VWDE: variants seen among roughly 807,000 people sequenced by gnomAD.
The protein encoded by VWDE is von Willebrand factor D and EGF domain-containing protein.
VWDE carries 207 observed loss-of-function variants against 178.4 expected under a neutral mutation model. The ratio of observed to expected loss-of-function variants is 1.16; its 90% CI spans 1.04 to 1.30. The LOEUF (loss-of-function observed/expected upper bound fraction) is 1.30, where lower values mean the gene tolerates loss of function less well. Among genes scored for constraint, VWDE ranks in the 50% most tolerant of loss-of-function variants. The pLI, the probability that VWDE is intolerant of heterozygous loss-of-function variation, is 0.00. For synonymous variants in VWDE, 738 were observed against 651.4 expected, an observed-to-expected ratio of 1.13 and a Z score of -2.02; for missense variants, 2,287 against 1,901.3, an observed-to-expected ratio of 1.20 and a Z score of -3.77.
At chr7:12,390,056 T>A (rs188894263) in intron 2 of VWDE, among the ~76,000 whole-genome samples, 1 of 151,526 alleles carries the variant, frequency 6.6e-6, no homozygotes, top group Non-Finnish European at 1.5e-5. Context: ...TCCCAGCTAC[T>A]CAGGAGGCTG....
intron 12 of VWDE, 76 bp downstream of exon 12, chr7:12,369,469 G>C: frequency 1.4e-6 from 2 of 1,429,732 alleles, no homozygotes; most frequent in Non-Finnish European, 9.3e-7. Context: ...AGGATACTGA[G>C]GGTGAAATAA....
Position 12,367,506 on chromosome 7 carries a change from A to C in VWDE, c.2762-13T>G. 1 of 1,487,114 alleles carries C rather than the reference A, an allele frequency of 6.7e-7. No homozygotes were observed. Among genetic ancestry groups the C allele is most frequent in the South Asian group, 1.4e-5 (1 of 72,398 alleles). The allele number at this position is 1,487,114 out of a possible 1,614,324, so 92.1% of individuals were successfully genotyped here. On this transcript the variant is annotated splice_polypyrimidine_tract_variant and intron_variant, in intron 12 of 28. Transcript: ENST00000275358. ...TCAGGAGCTTTGTCTTTGGAAAAAA[A>C]ATATAACAAATACTACATATTTTAC...
In VWDE at chr7:12,369,797, T is replaced by G; in HGVS notation, c.2509A>C (p.Met837Leu). 1.0e-5 allele frequency: 16 copies of G among 1,551,458 alleles called. No homozygotes were observed. Among genetic ancestry groups the G allele is most frequent in the Non-Finnish European group, 1.4e-5 (16 of 1,146,888 alleles). The change falls in exon 12 of 29, where the codon ATG (methionine) becomes CTG (leucine). Residue 837 changes from methionine (M) to leucine (L), a missense_variant. Coordinates refer to ENST00000275358, the MANE Select transcript of VWDE (RefSeq NM_001135924.3). ...LGKRLDSVIE[M>L]CVKDVLLKDD... Reference sequence around the variant, plus strand: ...TTTAACAGAACATCCTTCACACACATCTCTATAACACTGTCTAATCTCTTG... The same window carrying G: ...TTTAACAGAACATCCTTCACACACAGCTCTATAACACTGTCTAATCTCTTG...
At chr7:12,358,363 G>A in intron 16 of VWDE, among the ~76,000 whole-genome samples, 1 of 95,616 alleles carries the variant, frequency 1.0e-5, no homozygotes, top group East Asian at 2.8e-4. Context: ...GACAGAATGA[G>A]ATTCTGTCTC....
In VWDE at chr7:12,361,514, C is replaced by T. The variant is rs1782579479; in HGVS notation, c.2906G>A (p.Ser969Asn). The T allele has an allele frequency of 1.3e-6, 2 of 1,537,510 alleles. No homozygotes were observed. The highest frequency in any genetic ancestry group is 4.2e-5 in the Admixed American group (2 of 47,982). The stretch of plus-strand genomic sequence containing the variant: ...GGGTTCTCCAGGCATCCATTCACTG[C>T]TATTATACTGAAGACATAGTGAGAA... ...KCEVTKLQYN[S>N]SEWMPGEPIY... is the part of the protein sequence containing the mutation. Residue 969 changes from serine (S) to asparagine (N), a missense_variant, in exon 14 of 29, where the codon AGC becomes AAC. Coordinates refer to ENST00000275358, the MANE Select transcript of VWDE (RefSeq NM_001135924.3).
In VWDE at chr7:12,357,492, C is replaced by T; in HGVS notation, c.3298G>A (p.Ala1100Thr). Reference protein sequence around the residue: ...LENNQPPVIQALQDKLQTFYG... With the variant: ...LENNQPPVIQTLQDKLQTFYG... The stretch of plus-strand genomic sequence containing the variant: ...AATGTCTGTAATTTGTCTTGCAATG[C>T]TTGAATCACTGGGGGCTGGTTGTCT... The change falls in exon 17 of 29, where the codon GCA (alanine) becomes ACA (threonine). Residue 1100 changes from alanine (A) to threonine (T), a missense_variant. Ala to Thr is a moderately conservative substitution (Grantham distance 58). Coordinates refer to ENST00000275358, the MANE Select transcript of VWDE (RefSeq NM_001135924.3). The T allele has an allele frequency of 6.4e-7, 1 of 1,552,164 alleles. No homozygotes were observed. Among genetic ancestry groups the T allele is most frequent in the Non-Finnish European group, 8.7e-7 (1 of 1,147,110 alleles).
At chr7:12,401,203 G>T (rs552926662) in intron 1 of VWDE, among the ~76,000 whole-genome samples, 1 of 152,162 alleles carries the variant, frequency 6.6e-6, no homozygotes, top group Non-Finnish European at 1.5e-5. Context: ...CTTTAGAATA[G>T]CTAATTCTAC....
Position 12,395,274 on chromosome 7 carries a change from TCAAAA to T in VWDE, c.59-1501_59-1497del, listed in dbSNP as rs1418235372. ...AATTTTAGAATATCTCTAATATCCT[TCAAAA>T]CAAGGACATTGCACCTGGTTAGAAT... On this transcript the variant is annotated intron_variant, in intron 1 of 28. Transcript: ENST00000275358. 3.3e-5 allele frequency among the ~76,000 whole-genome samples: 5 copies of T among 152,270 alleles called. No individual in the cohort carries two copies. In the East Asian group the frequency reaches 9.6e-4, roughly 29 times the overall value.
At chr7:12,381,849 T>C (rs931681604) in intron 4 of VWDE, among the ~76,000 whole-genome samples, 1 of 151,842 alleles carries the variant, frequency 6.6e-6, no homozygotes, top group African/African-American at 2.4e-5. Context: ...TTATTAAGAA[T>C]AAGAGAAGAC....
At chr7:12,392,203 C>G (rs760793941) in intron 2 of VWDE, among the ~76,000 whole-genome samples, 2 of 152,204 alleles carry the variant, frequency 1.3e-5, no homozygotes, top group Non-Finnish European at 2.9e-5. Context: ...GTAACACTAG[C>G]TACCTAAAAG....
chr7:12,344,493 A>AG, intron 19 of VWDE, 24 bp from the exon 20 acceptor site: 1 of 1,523,156 alleles, frequency 6.6e-7, no homozygotes. Context: ...AAAGAAAAAA[A>AG]GGTTGATTGC....
At chr7:12,340,557 C>T (rs1245498323) in intron 23 of VWDE, 140 bp from the exon 24 acceptor site, 3 of 584,644 alleles carry the variant, frequency 5.1e-6, no homozygotes, top group Non-Finnish European at 8.9e-6. Context: ...ATTAATTAGA[C>T]TTTGCCAAAC....
intron 19 of VWDE, among the ~76,000 whole-genome samples, chr7:12,350,305 T>A (rs117885052): frequency 0.021 from 3,149 of 152,128 alleles, 53 homozygotes; most frequent in Non-Finnish European, 0.034. Flanking sequence ...TATAAAATAA[T>A]GTTGAAATAT....
In VWDE at chr7:12,393,876, A is replaced by G. The variant is rs1784508315; in HGVS notation, c.59-98T>C. On this transcript the variant is annotated intron_variant, in intron 1 of 28. Transcript: ENST00000275358. ...TGATTCCCAAAACAAAAAATAAAGCAAATAAACTCACTATTGCACATAAAG... is the reference window on the plus strand; with the variant it reads ...TGATTCCCAAAACAAAAAATAAAGCGAATAAACTCACTATTGCACATAAAG... The G allele has an allele frequency of 4.7e-6, 5 of 1,068,546 alleles. No homozygotes were observed. The South Asian group carries it at 9.7e-5, about 21-fold the overall frequency. 66.2% of individuals were successfully genotyped at this position (1,068,546 alleles called of 1,614,324 possible).
chr7:12,376,318 GA>G (rs66889572), intron 7 of VWDE, among the ~76,000 whole-genome samples: 37,233 of 151,752 alleles, frequency 0.25, 4,748 homozygotes, highest in African/African-American at 0.28. Flanking sequence ...GGTTCCCTAT[GA>G]AAGTAAAGAT....
At chr7:12,375,462 T>C (rs1019943332) in intron 7 of VWDE, among the ~76,000 whole-genome samples, 1 of 151,984 alleles carries the variant, frequency 6.6e-6, no homozygotes, top group African/African-American at 2.4e-5. Context: ...TAAATACATA[T>C]TACAATTTTC....
Position 12,403,661 on chromosome 7 carries a change from T to C in VWDE, c.56A>G (p.Glu19Gly), listed in dbSNP as rs1057135839. The part of the protein sequence containing the change: ...VIALMFLAWG[E>G]AQECSPGGHQ... ...CCCGCGCGCCCTACCTCGCTTACCT[T>C]CCCCCCAGGCCAGGAACATCAGCGC... The change falls in exon 1 of 29, where the codon GAA becomes GGA. Residue 19 changes from glutamate to glycine, a missense_variant and splice_region_variant. Glu to Gly is a moderately conservative substitution (Grantham distance 98). Coordinates refer to ENST00000275358, the MANE Select transcript of VWDE (RefSeq NM_001135924.3). The C allele has an allele frequency of 3.9e-6, 6 of 1,542,912 alleles. No individual in the cohort carries two copies. The African/African-American group carries it at 5.5e-5, about 14-fold the overall frequency.
At chr7:12,342,200 G>C in intron 22 of VWDE, 46 bp from the exon 23 acceptor site, 2 of 1,491,818 alleles carry the variant, frequency 1.3e-6, no homozygotes, top group South Asian at 1.2e-5. Flanking sequence ...GCTTGGAGTA[G>C]TCATATTGTT....
chr7:12,348,223 A>G (rs969629669), intron 19 of VWDE, among the ~76,000 whole-genome samples: 2 of 146,208 alleles, frequency 1.4e-5, no homozygotes, highest in East Asian at 4.0e-4. Flanking sequence ...AAATTGACAA[A>G]TGGGATCTAA....
Sources: allele counts gnomAD v4.1 joint callset (sites outside exome capture counted in the v4.1 genomes callset), GRCh38; gene constraint gnomAD v4.1.1; transcripts MANE v1.5; gene names NCBI Gene and HGNC (gene_info 2026-07-23, HGNC 2026-07-21).